Variants in ZFHX3 observed in about 807,000 individuals in gnomAD.
ZFHX3 encodes the protein zinc finger homeobox protein 3.
Under a neutral mutation model 279.1 loss-of-function variants are expected in ZFHX3, and 42 were observed. The observed-to-expected ratio is 0.15, with a 90% CI of 0.12 to 0.19. ZFHX3 has a LOEUF of 0.19. Among genes scored for constraint, ZFHX3 ranks in the 10% least tolerant of loss-of-function variants. The pLI is 1.00. For missense variants in ZFHX3, 4,981 were observed against 4,754.0 expected (o/e 1.05, Z -1.40); for synonymous variants, 2,293 against 1,957.8 (o/e 1.17, Z -4.52).
At chr16:73,161,026 G>C (rs1967223402) in intron 5 of ZFHX3, among the ~76,000 whole-genome samples, 1 of 152,106 alleles carries the variant, frequency 6.6e-6, no homozygotes, top group Admixed American at 6.6e-5. Context: ...AGGCTGGAGT[G>C]CAGTGGTACC....
intron 3 of ZFHX3, among the ~76,000 whole-genome samples, chr16:73,323,913 T>C (rs1283368451): frequency 6.6e-6 from 1 of 152,156 alleles, no homozygotes; most frequent in African/African-American, 2.4e-5. Flanking sequence ...GAATAAAATA[T>C]CTGTTTAGGA....
chr16:73,020,623 A>T (rs1964265306), intron 1 of ZFHX3, among the ~76,000 whole-genome samples: 1 of 152,204 alleles, frequency 6.6e-6, no homozygotes, highest in Non-Finnish European at 1.5e-5. Context: ...ATAGTCATCG[A>T]AACTGAAATC....
chr16:73,716,400 G>C (rs2096012213), intron 1 of ZFHX3, among the ~76,000 whole-genome samples: 1 of 152,098 alleles, frequency 6.6e-6, no homozygotes, highest in African/African-American at 2.4e-5. Context: ...TTCTAGAAAA[G>C]CACCACAACA....
chr16:73,452,936 T>A (rs1260852564), intron 3 of ZFHX3, among the ~76,000 whole-genome samples: 1 of 152,264 alleles, frequency 6.6e-6, no homozygotes, highest in Admixed American at 6.5e-5. Context: ...TCAAAGAGGT[T>A]ACCTTTGGTC....
At chr16:73,242,326 C>T (rs1167257460) in intron 5 of ZFHX3, among the ~76,000 whole-genome samples, 1 of 152,138 alleles carries the variant, frequency 6.6e-6, no homozygotes, top group Non-Finnish European at 1.5e-5. Flanking sequence ...TCCAGATCCT[C>T]CTTCTACAAC....
intron 3 of ZFHX3, among the ~76,000 whole-genome samples, chr16:72,932,677 C>A (rs953704537): frequency 8.3e-4 from 118 of 142,776 alleles, no homozygotes; most frequent in Admixed American, 1.4e-3. Context: ...AAAAAAAAAT[C>A]CACTGACCTT....
chr16:73,877,999 A>T (rs2030009525), intron 1 of ZFHX3, among the ~76,000 whole-genome samples: 1 of 152,008 alleles, frequency 6.6e-6, no homozygotes, highest in Admixed American at 6.6e-5. Context: ...TTAGAAATAT[A>T]TATACATATA....
At chr16:73,889,014 T>A (rs566470217) in intron 1 of ZFHX3, among the ~76,000 whole-genome samples, 27 of 151,706 alleles carry the variant, frequency 1.8e-4, no homozygotes, top group African/African-American at 6.3e-4. Context: ...CACCATCTAA[T>A]AGAAACAAAT....
intron 6 of ZFHX3, among the ~76,000 whole-genome samples, chr16:73,140,684 T>G (rs1331441361): frequency 6.6e-6 from 1 of 152,160 alleles, no homozygotes; most frequent in Non-Finnish European, 1.5e-5. Flanking sequence ...GGCGTAACCC[T>G]GTCTACTAAA....
intron 4 of ZFHX3, among the ~76,000 whole-genome samples, chr16:72,858,632 T>G (rs1409868031): frequency 6.6e-6 from 1 of 152,234 alleles, no homozygotes; most frequent in South Asian, 2.1e-4. Flanking sequence ...AGACTGCTCA[T>G]AGCTTAGCAA....
At chr16:73,167,325 C>T (rs1370622640) in intron 5 of ZFHX3, among the ~76,000 whole-genome samples, 1 of 152,230 alleles carries the variant, frequency 6.6e-6, no homozygotes, top group Non-Finnish European at 1.5e-5. Context: ...CCCCCTCCCT[C>T]CCAGCCACAC....
At chr16:73,219,163 A>G (rs2012318520) in intron 5 of ZFHX3, among the ~76,000 whole-genome samples, 1 of 152,218 alleles carries the variant, frequency 6.6e-6, no homozygotes, top group Non-Finnish European at 1.5e-5. Flanking sequence ...CACTGTATGG[A>G]TAGATCACAT....
At chr16:73,845,154 A>G (rs1441079105) in intron 1 of ZFHX3, among the ~76,000 whole-genome samples, 1 of 152,206 alleles carries the variant, frequency 6.6e-6, no homozygotes, top group Non-Finnish European at 1.5e-5. Flanking sequence ...AACTGAAGGA[A>G]CTAAATATTG....
intron 2 of ZFHX3, among the ~76,000 whole-genome samples, chr16:73,627,477 C>A (rs1376394045): frequency 2.0e-5 from 3 of 152,224 alleles, no homozygotes; most frequent in African/African-American, 7.2e-5. Context: ...ACTGACTGAT[C>A]AGCTTGTCAA....
At chr16:73,715,002 T>G (rs1181379130) in intron 1 of ZFHX3, among the ~76,000 whole-genome samples, 1 of 152,194 alleles carries the variant, frequency 6.6e-6, no homozygotes, top group Non-Finnish European at 1.5e-5. Context: ...CTTTTAAAAA[T>G]GCTTCCTTTT....
intron 9 of ZFHX3, chr16:72,789,757 C>A (rs938263869): frequency 6.6e-6 from 1 of 152,232 alleles, no homozygotes; most frequent in Non-Finnish European, 1.5e-5. Context: ...ACAGTATAAC[C>A]GCCTAGGAAT....
rs1597248109 is a variant in ZFHX3, at chr16:73,258,414, A to G, written c.-1193-1278T>C. On this transcript the variant is annotated intron_variant, in intron 4 of 17. Coordinates refer to the ZFHX3 transcript ENST00000641206. ...TCCCAGGTTGGAGTGCAGTGGTGCA[A>G]TCTCGGCTCACTGCAAGCTGCACCT... Among the ~76,000 whole-genome samples the G allele has an allele frequency of 3.3e-5, 5 of 151,728 alleles. 1 individual carries two copies. In the South Asian group the frequency reaches 1.0e-3, roughly 32 times the overall value.
At chr16:73,272,126 G>T (rs1376936426) in intron 4 of ZFHX3, among the ~76,000 whole-genome samples, 2 of 152,144 alleles carry the variant, frequency 1.3e-5, no homozygotes, top group Non-Finnish European at 2.9e-5. Context: ...GAAAAGAGCA[G>T]GTAGAGCTAA....
At chr16:72,924,710 G>A (rs889709389) in intron 3 of ZFHX3, among the ~76,000 whole-genome samples, 1 of 152,228 alleles carries the variant, frequency 6.6e-6, no homozygotes, top group East Asian at 1.9e-4. Context: ...CAATTCTGCT[G>A]TCAGTGTGTT....
Sources: gnomAD v4.1 joint callset for allele counts (sites outside exome capture counted in the v4.1 genomes callset) on GRCh38, gnomAD v4.1.1 for gene constraint, MANE v1.5 for transcripts, NCBI Gene and HGNC (gene_info 2026-07-23, HGNC 2026-07-21) for gene names.